The following KDM2B variants were observed in gnomAD, a reference collection of about 807,000 sequenced individuals.
KDM2B encodes lysine demethylase 2B, also known as lysine-specific demethylase 2B.
In KDM2B, 26 loss-of-function variants were observed where a neutral mutation model predicts 150.0. The observed-to-expected ratio is 0.17, with a 90% CI of 0.13 to 0.24. The LOEUF (loss-of-function observed/expected upper bound fraction) is 0.24, where lower values mean the gene tolerates loss of function less well. Among genes scored for constraint, KDM2B ranks in the 10% least tolerant of loss-of-function variants. KDM2B has a pLI of 1.00. For synonymous variants in KDM2B, 734 were observed against 729.5 expected, an observed-to-expected ratio of 1.01 and a Z score of -0.10; for missense variants, 1,265 against 1,816.9, an observed-to-expected ratio of 0.70 and a Z score of 5.52.
At chr12:121,527,114 C>G (rs1165471225) in intron 8 of KDM2B, among the ~76,000 whole-genome samples, 1 of 151,556 alleles carries the variant, frequency 6.6e-6, no homozygotes, top group Non-Finnish European at 1.5e-5. Context: ...GTGACGTGAT[C>G]TCTGCTCACT....
intron 9 of KDM2B, chr12:121,516,408 A>AT (rs1886197308): frequency 3.9e-5 from 39 of 1,009,258 alleles, no homozygotes; most frequent in Non-Finnish European, 4.5e-5. Context: ...TTATTTATTT[A>AT]TTTATTTTTT....
intron 4 of KDM2B, among the ~76,000 whole-genome samples, chr12:121,558,650 T>G (rs1314551538): frequency 6.6e-6 from 1 of 152,108 alleles, no homozygotes; most frequent in Non-Finnish European, 1.5e-5. Flanking sequence ...AGACGGGGTT[T>G]CCTCATGTTG....
intron 10 of KDM2B, among the ~76,000 whole-genome samples, chr12:121,510,349 C>T (rs1167061031): frequency 6.6e-6 from 1 of 152,146 alleles, no homozygotes; most frequent in Non-Finnish European, 1.5e-5. Context: ...AATCTCAGCT[C>T]GCTGCAACCT....
downstream of KDM2B, among the ~76,000 whole-genome samples, chr12:121,426,300 G>T (rs782113402): frequency 6.6e-6 from 1 of 152,114 alleles, no homozygotes; most frequent in Non-Finnish European, 1.5e-5. Flanking sequence ...AGTAACCCTG[G>T]TTTATTAGCC....
At chr12:121,506,598 T>C (rs1368557201) in intron 11 of KDM2B, among the ~76,000 whole-genome samples, 1 of 151,246 alleles carries the variant, frequency 6.6e-6, no homozygotes, top group Non-Finnish European at 1.5e-5. Context: ...AGTCAGGGGA[T>C]CAAGACCATC....
rs1460573281 is a variant in KDM2B at position 121,533,365 on chromosome 12, T to C, written c.778-406A>G. On this transcript the variant is annotated intron_variant, in intron 7 of 22. Transcript: ENST00000377071. This position sits in a 1 kb window ranked among gnomAD's most constrained non-coding sequence, Gnocchi z 4.1. Reference sequence around the variant, plus strand: ...ACTTTGGAGGAGGAGGAAAAACATCTGGAATCAAGTGGGTTGACTTCCTCC... The same window carrying C: ...ACTTTGGAGGAGGAGGAAAAACATCCGGAATCAAGTGGGTTGACTTCCTCC... 6.6e-6 allele frequency among the ~76,000 whole-genome samples: 1 copy of C among 152,182 alleles called. No homozygotes were observed. Among genetic ancestry groups the C allele is most frequent in the Non-Finnish European group, 1.5e-5 (1 of 68,022 alleles).
At chr12:121,460,681 T>A (rs1878985629) in intron 12 of KDM2B, among the ~76,000 whole-genome samples, 1 of 152,216 alleles carries the variant, frequency 6.6e-6, no homozygotes, top group Non-Finnish European at 1.5e-5. Context: ...GTGCTAGGAT[T>A]ACAGGTGTGA....
the KDM2B span, chr12:121,420,544 G>C: frequency 2.5e-6 from 4 of 1,607,520 alleles, no homozygotes; most frequent in Non-Finnish European, 3.4e-6. Context: ...TGGACTTATG[G>C]GACCAGGGCT....
At chr12:121,509,209 C>T (rs1249113910) in intron 11 of KDM2B, among the ~76,000 whole-genome samples, 1 of 152,108 alleles carries the variant, frequency 6.6e-6, no homozygotes, top group Admixed American at 6.6e-5. Flanking sequence ...CAGGCATACG[C>T]CACCAGGCAT....
intron 11 of KDM2B, among the ~76,000 whole-genome samples, chr12:121,502,984 T>G (rs1203570480): frequency 2.3e-5 from 3 of 132,684 alleles, no homozygotes; most frequent in African/African-American, 3.8e-5. Flanking sequence ...TTGTGGGTTT[T>G]TTTTTTTTTT....
At chr12:121,581,958 T>C (rs1243994802), upstream of KDM2B, among the ~76,000 whole-genome samples, 1 of 152,178 alleles carries the variant, frequency 6.6e-6, no homozygotes, top group African/African-American at 2.4e-5. Context: ...TGAAGTTTGT[T>C]TTCATTCATG....
intron 6 of KDM2B, among the ~76,000 whole-genome samples, chr12:121,535,105 C>A (rs768926257): frequency 1.3e-5 from 2 of 151,910 alleles, no homozygotes; most frequent in African/African-American, 4.8e-5. Flanking sequence ...GGTCCAGCCC[C>A]GAGCCAGCTT....
At chr12:121,501,667 C>T (rs1566345169) in intron 11 of KDM2B, among the ~76,000 whole-genome samples, 1 of 152,166 alleles carries the variant, frequency 6.6e-6, no homozygotes, top group Non-Finnish European at 1.5e-5. Flanking sequence ...GTCGCCCAGG[C>T]TGGAGTGCAG....
At chr12:121,506,286 T>G (rs1555302950) in intron 11 of KDM2B, among the ~76,000 whole-genome samples, 1 of 152,146 alleles carries the variant, frequency 6.6e-6, no homozygotes, top group African/African-American at 2.4e-5. Flanking sequence ...TGTGAGCCAC[T>G]GCAGCAGGCC....
At chr12:121,419,689 G>A in the KDM2B span, among the ~76,000 whole-genome samples, 1 of 152,290 alleles carries the variant, frequency 6.6e-6, no homozygotes, top group East Asian at 1.9e-4. Flanking sequence ...GAAGAGATTT[G>A]TGTTTTCTAA....
rs375353232 is a variant in KDM2B at position 121,509,609 on chromosome 12, G to A, written c.1605C>T (p.Pro535=). The change falls in exon 11 of 23, where the codon CCC becomes CCT. Residue 535 remains proline, a synonymous_variant. Transcript: ENST00000377071. ...ESLPENKKCV[P]EGIEDPQALL... is the part of the protein sequence containing the mutation. Reference sequence around the variant, plus strand: ...GTGCCTGGGGGTCCTCGATGCCCTCGGGGACACACTTCTTGTTCTCCGGGA... The same window carrying A: ...GTGCCTGGGGGTCCTCGATGCCCTCAGGGACACACTTCTTGTTCTCCGGGA... 7.4e-6 allele frequency: 12 copies of A among 1,613,574 alleles called. No homozygotes were observed. The highest frequency in any genetic ancestry group is 2.7e-5 in the African/African-American group (2 of 74,806).
chr12:121,416,681 C>T, the KDM2B span: 1 of 246,612 alleles, frequency 4.1e-6, no homozygotes, highest in Non-Finnish European at 8.0e-6. Flanking sequence ...GTTTTGTTCA[C>T]AAATGATTTA....
intron 12 of KDM2B, among the ~76,000 whole-genome samples, chr12:121,466,749 G>T (rs1250021297): frequency 6.7e-6 from 1 of 148,646 alleles, no homozygotes; most frequent in Non-Finnish European, 1.5e-5. Context: ...GGCGCCCGCG[G>T]GGTCCGGGTG....
intron 12 of KDM2B, among the ~76,000 whole-genome samples, chr12:121,490,745 T>C (rs1278291517): frequency 1.3e-5 from 2 of 152,136 alleles, no homozygotes; most frequent in Non-Finnish European, 2.9e-5. Context: ...TGGTGATAGA[T>C]GGTGGCTCAG....
Sources: gnomAD v4.1 joint callset for allele counts (sites outside exome capture counted in the v4.1 genomes callset) on GRCh38, gnomAD v4.1.1 for gene constraint, Gnocchi (gnomAD v3.1) non-coding constraint, MANE v1.5 for transcripts, NCBI Gene and HGNC (gene_info 2026-07-23, HGNC 2026-07-21) for gene names.